The following RBPJ variants were observed in gnomAD, a reference collection of about 807,000 sequenced individuals.
RBPJ encodes the protein recombining binding protein suppressor of hairless.
A neutral mutation model predicts 67.8 loss-of-function variants in RBPJ; 9 were observed. That is an observed-to-expected ratio of 0.13 (90% CI 0.08 to 0.23). The LOEUF is 0.23. Ranked by LOEUF, RBPJ falls within the 10% of genes least tolerant of loss-of-function variation. The pLI, the probability that RBPJ is intolerant of heterozygous loss-of-function variation, is 1.00. For missense variants in RBPJ, 305 were observed against 595.6 expected (o/e 0.51, Z 5.08); for synonymous variants, 198 against 203.3 (o/e 0.97, Z 0.22).
chr4:26,212,377 C>A (rs1016015326), intron 1 of RBPJ, among the ~76,000 whole-genome samples: 6 of 151,532 alleles, frequency 4.0e-5, no homozygotes, highest in African/African-American at 1.5e-4. Flanking sequence ...CAGAAACAGG[C>A]CTCAGAAAAC....
At chr4:26,140,407 G>A in the RBPJ span, among the ~76,000 whole-genome samples, 1 of 152,140 alleles carries the variant, frequency 6.6e-6, no homozygotes, top group African/African-American at 2.4e-5. Flanking sequence ...AAGAGTACAT[G>A]GCTTGGTTCA....
chr4:26,417,218 T>G (rs1434777486), intron 4 of RBPJ, among the ~76,000 whole-genome samples: 1 of 152,186 alleles, frequency 6.6e-6, no homozygotes, highest in African/African-American at 2.4e-5. Flanking sequence ...CCTACTTCAT[T>G]GCTCATTTTA....
chr4:26,225,329 C>T (rs1719042415), intron 1 of RBPJ, among the ~76,000 whole-genome samples: 1 of 152,252 alleles, frequency 6.6e-6, no homozygotes, highest in African/African-American at 2.4e-5. Flanking sequence ...AACTTAATTG[C>T]TTATAGTTAA....
At chr4:26,209,102 T>TAC (rs1368907593) in intron 1 of RBPJ, among the ~76,000 whole-genome samples, 1 of 142,902 alleles carries the variant, frequency 7.0e-6, no homozygotes, top group African/African-American at 2.5e-5. Context: ...AAAAAAAATA[T>TAC]ATATATATAT....
At chr4:26,412,334 C>T (rs952473556) in intron 3 of RBPJ, among the ~76,000 whole-genome samples, 5 of 152,024 alleles carry the variant, frequency 3.3e-5, no homozygotes, top group East Asian at 1.9e-4. Flanking sequence ...TGGGTTCAAG[C>T]GATTCTCATG....
the RBPJ span, among the ~76,000 whole-genome samples, chr4:26,149,180 C>T: frequency 6.6e-6 from 1 of 152,184 alleles, no homozygotes; most frequent in Non-Finnish European, 1.5e-5. Context: ...ACATACATGA[C>T]ATTGTTGAGG....
chr4:26,204,629 G>A (rs1259274850), intron 1 of RBPJ, among the ~76,000 whole-genome samples: 1 of 152,194 alleles, frequency 6.6e-6, no homozygotes, highest in Non-Finnish European at 1.5e-5. Context: ...TCACTGTTGT[G>A]TCCAAGTTGG....
the RBPJ span, among the ~76,000 whole-genome samples, chr4:26,131,384 T>C: frequency 1.3e-5 from 2 of 152,124 alleles, no homozygotes; most frequent in Admixed American, 1.3e-4. Context: ...ATATCAAGTA[T>C]TACGTGGTGT....
At chr4:26,109,450 CTCTCTCTCTCTATA>C in the RBPJ span, among the ~76,000 whole-genome samples, 4 of 24,962 alleles carry the variant, frequency 1.6e-4, no homozygotes, top group Admixed American at 8.9e-4. Flanking sequence ...CTCTCTCTCT[CTCTCTCTCTCTATA>C]TATATATATA....
chr4:26,304,989 G>C (rs1472695595), intron 1 of RBPJ, among the ~76,000 whole-genome samples: 1 of 151,960 alleles, frequency 6.6e-6, no homozygotes, highest in Non-Finnish European at 1.5e-5. Context: ...TTTAGATTTA[G>C]GGCTATGATC....
intron 1 of RBPJ, among the ~76,000 whole-genome samples, chr4:26,164,674 C>A (rs969227993): frequency 1.2e-4 from 19 of 152,282 alleles, no homozygotes; most frequent in Admixed American, 1.2e-3. Context: ...TTTACTGAAA[C>A]TTTTAATGTT....
intron 1 of RBPJ, among the ~76,000 whole-genome samples, chr4:26,236,272 G>A (rs1305828104): frequency 6.6e-6 from 1 of 152,160 alleles, no homozygotes; most frequent in Admixed American, 6.5e-5. Flanking sequence ...TAGCTTCGAT[G>A]TCCTCATCTG....
chr4:26,120,714 CTTTTTTT>C, the RBPJ span, among the ~76,000 whole-genome samples: 3 of 83,014 alleles, frequency 3.6e-5, no homozygotes, highest in African/African-American at 9.5e-5. Flanking sequence ...ATTTTCTCAA[CTTTTTTT>C]TTTTTTTTTT....
chr4:26,381,893 A>T (rs1341070005), intron 1 of RBPJ, among the ~76,000 whole-genome samples: 1 of 152,154 alleles, frequency 6.6e-6, no homozygotes, highest in East Asian at 1.9e-4. Context: ...TATGCAGAAA[A>T]TTTGAGAATC....
intron 1 of RBPJ, among the ~76,000 whole-genome samples, chr4:26,368,951 G>A (rs1728888916): frequency 6.6e-6 from 1 of 152,136 alleles, no homozygotes; most frequent in African/African-American, 2.4e-5. Context: ...TCTCTGTAGG[G>A]AGCCAATTTT....
chr4:26,363,353 C>T (rs906270373), intron 1 of RBPJ, among the ~76,000 whole-genome samples: 1 of 152,092 alleles, frequency 6.6e-6, no homozygotes, highest in Non-Finnish European at 1.5e-5. Flanking sequence ...TTGGCCAGGC[C>T]GGTCTCGAAC....
At chr4:26,243,925 C>A (rs948830466) in intron 1 of RBPJ, among the ~76,000 whole-genome samples, 1 of 151,672 alleles carries the variant, frequency 6.6e-6, no homozygotes, top group Non-Finnish European at 1.5e-5. Flanking sequence ...TGAAATTCGT[C>A]TCTACAAAAA....
At chr4:26,163,866 TC>T (rs1325208369) in intron 1 of RBPJ, among the ~76,000 whole-genome samples, 10 of 152,228 alleles carry the variant, frequency 6.6e-5, no homozygotes, top group African/African-American at 2.4e-4. Context: ...AGCTGTGCAG[TC>T]CTAGGACAAG....
At chr4:26,160,019 C>T (rs1212918562), upstream of RBPJ, among the ~76,000 whole-genome samples, 7 of 152,010 alleles carry the variant, frequency 4.6e-5, no homozygotes, top group African/African-American at 9.7e-5. Flanking sequence ...CCCGAGTTCA[C>T]GCCATTCTCC....
Sources: allele counts gnomAD v4.1 joint callset (sites outside exome capture counted in the v4.1 genomes callset), GRCh38; gene constraint gnomAD v4.1.1; transcripts MANE v1.5; gene names NCBI Gene and HGNC (gene_info 2026-07-23, HGNC 2026-07-21).